Variants in ITGB5 observed in about 807,000 individuals in gnomAD.
ITGB5 encodes integrin subunit beta 5, also known as integrin beta-5.
In ITGB5, 38 loss-of-function variants were observed where a neutral mutation model predicts 84.8. The ratio of observed to expected loss-of-function variants is 0.45; its 90% CI spans 0.35 to 0.59. ITGB5 has a LOEUF of 0.59. Among genes scored for constraint, ITGB5 ranks in the 20% least tolerant of loss-of-function variants. The pLI is 0.01. For missense variants in ITGB5, 905 were observed against 1,034.5 expected, an observed-to-expected ratio of 0.87 and a Z score of 1.72; for synonymous variants, 393 against 414.4, an observed-to-expected ratio of 0.95 and a Z score of 0.63.
chr3:124,840,269 G>A (rs981421041), intron 5 of ITGB5, among the ~76,000 whole-genome samples: 1 of 152,188 alleles, frequency 6.6e-6, no homozygotes, highest in Non-Finnish European at 1.5e-5. Context: ...CCAAATGGAA[G>A]AGTCCCCACC....
intron 9 of ITGB5, among the ~76,000 whole-genome samples, chr3:124,797,585 C>T (rs1307167240): frequency 2.0e-5 from 3 of 152,188 alleles, no homozygotes. Context: ...GCCTTGAAAA[C>T]AGGCTCAAGG....
At chr3:124,771,357 T>TGTAA (rs560870998) in intron 11 of ITGB5, among the ~76,000 whole-genome samples, 38 of 152,196 alleles carry the variant, frequency 2.5e-4, no homozygotes, top group African/African-American at 7.5e-4. Context: ...CAGACTCTGA[T>TGTAA]GTAAGTCACC....
Position 124,769,049 on chromosome 3 carries a change from A to C in ITGB5, c.1981T>G (p.Cys661Gly). 1 of 1,613,982 alleles carries C rather than the reference A, an allele frequency of 6.2e-7. No individual in the cohort carries two copies. The highest frequency in any genetic ancestry group is 8.5e-7 in the Non-Finnish European group (1 of 1,180,004). The change falls in exon 12 of 15, where the codon TGC (cysteine) becomes GGC (glycine). Residue 661 changes from cysteine (C) to glycine (G), a missense_variant. Physicochemically the swap from Cys to Gly is radical, Grantham distance 159. Around this residue, in one of 3 missense-constraint regions of ITGB5, gnomAD observed 116 missense variants for 177.0 expected, o/e 0.66. Coordinates refer to ENST00000296181, the MANE Select transcript of ITGB5 (RefSeq NM_002213.5). ...ACCCATGTGATCACCTCATCCCTGC[A>C]TAGGCTGTGGCAGGTCTGGTTGTCA... is the stretch of plus-strand genomic sequence containing the variant. ...KPDNQTCHSL[C>G]RDEVITWVDT...
intron 9 of ITGB5, among the ~76,000 whole-genome samples, chr3:124,799,239 C>A (rs944579315): frequency 6.6e-6 from 1 of 152,180 alleles, no homozygotes; most frequent in Non-Finnish European, 1.5e-5. Flanking sequence ...CACTTGGACA[C>A]TGAAATTGGT....
chr3:124,807,288 T>C (rs2064419933), intron 9 of ITGB5, among the ~76,000 whole-genome samples: 1 of 152,160 alleles, frequency 6.6e-6, no homozygotes, highest in South Asian at 2.1e-4. Flanking sequence ...TGGTGGTGCA[T>C]GCCTATAATC....
intron 5 of ITGB5, among the ~76,000 whole-genome samples, chr3:124,829,457 C>T (rs541996215): frequency 3.9e-5 from 6 of 152,238 alleles, no homozygotes; most frequent in South Asian, 2.1e-4. Context: ...AAATTCACCA[C>T]GAGGTCTATT....
chr3:124,856,570 TATG>T (rs1237880337), intron 3 of ITGB5, among the ~76,000 whole-genome samples: 1 of 152,184 alleles, frequency 6.6e-6, no homozygotes, highest in East Asian at 1.9e-4. Flanking sequence ...ATACATACAT[TATG>T]ATAAGTATAT....
chr3:124,865,678 A>G (rs2065379323), intron 2 of ITGB5, among the ~76,000 whole-genome samples: 1 of 151,654 alleles, frequency 6.6e-6, no homozygotes, highest in East Asian at 1.9e-4. Flanking sequence ...TGTAGAGACC[A>G]GGTCTCACTA....
intron 1 of ITGB5, among the ~76,000 whole-genome samples, chr3:124,881,062 C>A (rs1218226404): frequency 6.6e-6 from 1 of 152,076 alleles, no homozygotes; most frequent in African/African-American, 2.4e-5. Flanking sequence ...CAGCTCACTG[C>A]AACCTCGGCC....
upstream of ITGB5, among the ~76,000 whole-genome samples, chr3:124,889,611 G>T (rs118038711): frequency 1.3e-5 from 2 of 152,250 alleles, no homozygotes; most frequent in East Asian, 3.9e-4. Flanking sequence ...GATGTAAAAC[G>T]CTTGTCCCTA....
chr3:124,839,408 G>A (rs1469632923), intron 5 of ITGB5, among the ~76,000 whole-genome samples: 1 of 152,162 alleles, frequency 6.6e-6, no homozygotes, highest in East Asian at 1.9e-4. Flanking sequence ...GACATAGACT[G>A]GATCAAATGG....
intron 9 of ITGB5, among the ~76,000 whole-genome samples, chr3:124,805,308 G>A (rs2064383157): frequency 6.6e-6 from 1 of 151,090 alleles, no homozygotes; most frequent in South Asian, 2.1e-4. Context: ...ACGCCCAGAT[G>A]ATTTTTGTAT....
At chr3:124,850,616 C>T (rs1215951081) in intron 3 of ITGB5, among the ~76,000 whole-genome samples, 4 of 151,234 alleles carry the variant, frequency 2.6e-5, no homozygotes, top group South Asian at 2.1e-4. Flanking sequence ...GTGGGTGCAG[C>T]GCACCAGCAT....
chr3:124,825,430 T>C (rs572774707), intron 5 of ITGB5, among the ~76,000 whole-genome samples: 11 of 152,344 alleles, frequency 7.2e-5, no homozygotes, highest in East Asian at 3.9e-4. Flanking sequence ...GCAATCATCA[T>C]AAACTAGAAA....
chr3:124,775,637 T>C (rs542024369), intron 10 of ITGB5, among the ~76,000 whole-genome samples: 1 of 152,322 alleles, frequency 6.6e-6, no homozygotes, highest in South Asian at 2.1e-4. Context: ...AGAGTTTCAT[T>C]TGCTGAGCAC....
At chr3:124,824,354 C>A (rs542410486) in intron 5 of ITGB5, among the ~76,000 whole-genome samples, 1 of 152,250 alleles carries the variant, frequency 6.6e-6, no homozygotes, top group African/African-American at 2.4e-5. Context: ...TGAAGTTCAA[C>A]CCATATGTCT....
At chr3:124,897,564 G>A (rs1415542946) in intron 1 of ITGB5, among the ~76,000 whole-genome samples, 1 of 152,228 alleles carries the variant, frequency 6.6e-6, no homozygotes, top group Non-Finnish European at 1.5e-5. Context: ...GCTCATGCCT[G>A]TAATCCCAGC....
intron 8 of ITGB5, among the ~76,000 whole-genome samples, chr3:124,810,960 C>T (rs895975175): frequency 6.6e-6 from 1 of 151,886 alleles, no homozygotes; most frequent in Non-Finnish European, 1.5e-5. Context: ...GCATATAGTG[C>T]TAAAGTTGAA....
At chr3:124,844,505 A>G (rs545833769) in intron 4 of ITGB5, among the ~76,000 whole-genome samples, 44 of 152,236 alleles carry the variant, frequency 2.9e-4, no homozygotes, top group Admixed American at 1.2e-3. Flanking sequence ...GGTTGCAGTG[A>G]GCTGAGATCC....
Sources: gnomAD v4.1 joint callset for allele counts (sites outside exome capture counted in the v4.1 genomes callset) on GRCh38, gnomAD v4.1.1 for gene constraint, gnomAD v4.1.1 regional missense constraint, MANE v1.5 for transcripts, NCBI Gene and HGNC (gene_info 2026-07-23, HGNC 2026-07-21) for gene names.